FHIT: variants seen among roughly 807,000 people sequenced by gnomAD.
The protein encoded by FHIT is fragile histidine triad diadenosine triphosphatase.
Under a neutral mutation model 17.9 loss-of-function variants are expected in FHIT, and 19 were observed. The observed-to-expected ratio is 1.06, with a 90% CI of 0.74 to 1.56. FHIT has a LOEUF of 1.56. FHIT is among the 40% of genes most tolerant of loss of function. The pLI, the probability that FHIT is intolerant of heterozygous loss-of-function variation, is 0.00. For missense variants in FHIT, 248 were observed against 189.2 expected (o/e 1.31, Z -1.82); for synonymous variants, 81 against 69.7 (o/e 1.16, Z -0.81).
At chr3:60,161,714 C>A (rs1700949020) in intron 5 of FHIT, among the ~76,000 whole-genome samples, 1 of 152,012 alleles carries the variant, frequency 6.6e-6, no homozygotes, top group Non-Finnish European at 1.5e-5. Flanking sequence ...ACAGAAGCAG[C>A]AGAAATAAAC....
chr3:60,763,641 T>C (rs558944230), intron 4 of FHIT, among the ~76,000 whole-genome samples: 1 of 152,354 alleles, frequency 6.6e-6, no homozygotes, highest in East Asian at 1.9e-4. Flanking sequence ...CACATGGCGA[T>C]GAGCTGTGTT....
rs560809786 is a variant in FHIT at position 60,220,461 on chromosome 3, ACATAATAGCATT to A, written c.104-206321_104-206310del. On this transcript the variant is annotated intron_variant, in intron 5 of 9. Coordinates refer to ENST00000492590, the MANE Select transcript of FHIT (RefSeq NM_002012.4). ...ATTATTAAAAAAAATAAATCAACTG[ACATAATAGCATT>A]CATAATAGCATTCATACTATGTTTC... 3.7e-3 allele frequency among the ~76,000 whole-genome samples: 563 copies of A among 152,242 alleles called. 2 individuals are homozygous for A. Among genetic ancestry groups the A allele is most frequent in the Admixed American group, 8.3e-3 (127 of 15,296 alleles).
At chr3:60,622,164 G>A (rs1040452346) in intron 4 of FHIT, among the ~76,000 whole-genome samples, 8 of 152,176 alleles carry the variant, frequency 5.3e-5, no homozygotes, top group African/African-American at 1.7e-4. Flanking sequence ...CATGTCTCAC[G>A]GTGCCCCTAA....
intron 4 of FHIT, among the ~76,000 whole-genome samples, chr3:60,711,396 T>C (rs552695783): frequency 6.6e-6 from 1 of 152,284 alleles, no homozygotes; most frequent in African/African-American, 2.4e-5. Flanking sequence ...ACGCAGCTCC[T>C]CACCAGCAAT....
At chr3:60,401,048 C>G (rs749589310) in intron 5 of FHIT, among the ~76,000 whole-genome samples, 2 of 152,080 alleles carry the variant, frequency 1.3e-5, no homozygotes, top group Admixed American at 6.5e-5. Context: ...ATCATTGATA[C>G]GGCTGGCCTG....
At chr3:60,577,473 G>A (rs1553657989) in intron 4 of FHIT, among the ~76,000 whole-genome samples, 2 of 152,094 alleles carry the variant, frequency 1.3e-5, no homozygotes, top group African/African-American at 4.8e-5. Flanking sequence ...TTTAATAAAA[G>A]TACACTAAAT....
chr3:60,209,296 G>C (rs983636805), intron 5 of FHIT, among the ~76,000 whole-genome samples: 1 of 152,212 alleles, frequency 6.6e-6, no homozygotes, highest in African/African-American at 2.4e-5. Flanking sequence ...TCTTCGGCAA[G>C]TATGTGCACA....
At chr3:60,744,540 A>G (rs2042318852) in intron 4 of FHIT, among the ~76,000 whole-genome samples, 1 of 152,178 alleles carries the variant, frequency 6.6e-6, no homozygotes, top group African/African-American at 2.4e-5. Context: ...TATAGTTGTG[A>G]GCCCTGTAAC....
At chr3:59,994,359 A>T (rs763398392) in intron 7 of FHIT, among the ~76,000 whole-genome samples, 14 of 152,128 alleles carry the variant, frequency 9.2e-5, no homozygotes, top group Non-Finnish European at 1.8e-4. Context: ...TACTCAATCC[A>T]TCTGCAGAGA....
intron 7 of FHIT, among the ~76,000 whole-genome samples, chr3:59,979,358 C>T (rs17061650): frequency 6.6e-6 from 1 of 152,076 alleles, no homozygotes; most frequent in African/African-American, 2.4e-5. Context: ...GCCCTCATTG[C>T]TTTCTTATCA....
intron 8 of FHIT, among the ~76,000 whole-genome samples, chr3:59,783,377 G>A (rs375704017): frequency 3.3e-5 from 5 of 152,270 alleles, no homozygotes; most frequent in African/African-American, 1.2e-4. Flanking sequence ...GCTGAGGCAG[G>A]AGAATCGCTT....
chr3:60,390,584 A>C (rs1237111258), intron 5 of FHIT, among the ~76,000 whole-genome samples: 3 of 152,116 alleles, frequency 2.0e-5, no homozygotes, highest in African/African-American at 7.2e-5. Context: ...AGAAGATGAC[A>C]GTTCCATGCC....
chr3:59,875,064 C>T (rs547500819), intron 8 of FHIT, among the ~76,000 whole-genome samples: 1 of 152,300 alleles, frequency 6.6e-6, no homozygotes, highest in South Asian at 2.1e-4. Flanking sequence ...TTTTAGTTAC[C>T]TCTGGAGATA....
intron 4 of FHIT, among the ~76,000 whole-genome samples, chr3:60,657,489 G>A (rs1432349823): frequency 6.6e-6 from 1 of 152,146 alleles, no homozygotes; most frequent in African/African-American, 2.4e-5. Flanking sequence ...GTGTCTGGCA[G>A]ATAGTCAATG....
At chr3:60,540,452 A>G (rs187085308) in intron 4 of FHIT, among the ~76,000 whole-genome samples, 1 of 152,312 alleles carries the variant, frequency 6.6e-6, no homozygotes, top group Admixed American at 6.5e-5. Context: ...TGACAGTCTC[A>G]TGGCATTGAG....
chr3:60,178,858 G>T (rs1204489915), intron 5 of FHIT, among the ~76,000 whole-genome samples: 1 of 152,084 alleles, frequency 6.6e-6, no homozygotes, highest in South Asian at 2.1e-4. Flanking sequence ...GAGAAGTTCT[G>T]CAGTAAAGAA....
intron 8 of FHIT, among the ~76,000 whole-genome samples, chr3:59,858,823 G>A (rs1702287187): frequency 6.6e-6 from 1 of 152,112 alleles, no homozygotes; most frequent in Non-Finnish European, 1.5e-5. Flanking sequence ...AAATGTGGAA[G>A]GGGGAAAAGA....
intron 4 of FHIT, among the ~76,000 whole-genome samples, chr3:60,663,168 A>ATATATATATATATATATAT (rs1553691642): frequency 4.3e-5 from 6 of 139,464 alleles, no homozygotes; most frequent in East Asian, 2.1e-4. Flanking sequence ...ATATCTCTTT[A>ATATATATATATATATATAT]ATGTTGGGTT....
chr3:60,435,070 C>T (rs962265260), intron 5 of FHIT, among the ~76,000 whole-genome samples: 4 of 152,118 alleles, frequency 2.6e-5, no homozygotes, highest in African/African-American at 9.7e-5. Flanking sequence ...CCCTTATCAG[C>T]CACTTCACAG....
Sources: gnomAD v4.1 joint callset for allele counts (sites outside exome capture counted in the v4.1 genomes callset) on GRCh38, gnomAD v4.1.1 for gene constraint, MANE v1.5 for transcripts, NCBI Gene and HGNC (gene_info 2026-07-23, HGNC 2026-07-21) for gene names.